Variants in LRP1B observed in about 807,000 individuals in gnomAD.
LRP1B encodes low-density lipoprotein receptor-related protein 1B.
Under a neutral mutation model 556.6 loss-of-function variants are expected in LRP1B, and 217 were observed. That is an observed-to-expected ratio of 0.39 (90% CI 0.35 to 0.44). LRP1B has a LOEUF of 0.44. Among genes scored for constraint, LRP1B ranks in the 20% least tolerant of loss-of-function variants. LRP1B has a pLI of 1.00. For missense variants in LRP1B, 5,053 were observed against 5,620.8 expected, an observed-to-expected ratio of 0.90 and a Z score of 3.23; for synonymous variants, 2,047 against 1,865.8, an observed-to-expected ratio of 1.10 and a Z score of -2.50.
intron 1 of LRP1B, among the ~76,000 whole-genome samples, chr2:142,080,805 A>T (rs1021379835): frequency 6.6e-6 from 1 of 152,126 alleles, no homozygotes; most frequent in East Asian, 1.9e-4. Context: ...TGGATACTAC[A>T]CTTACCACAG....
intron 2 of LRP1B, among the ~76,000 whole-genome samples, chr2:141,649,916 G>A (rs970695252): frequency 6.6e-6 from 1 of 152,296 alleles, no homozygotes; most frequent in Admixed American, 6.5e-5. Context: ...GCAGTGGCTA[G>A]TGCCTGTGAT....
intron 2 of LRP1B, among the ~76,000 whole-genome samples, chr2:141,730,162 A>G (rs979646817): frequency 2.0e-5 from 3 of 152,114 alleles, no homozygotes; most frequent in Non-Finnish European, 4.4e-5. Flanking sequence ...TCGTAGTAGA[A>G]GCTGAAGCCC....
intron 2 of LRP1B, among the ~76,000 whole-genome samples, chr2:141,551,479 G>A (rs1055612972): frequency 6.6e-6 from 1 of 151,996 alleles, no homozygotes; most frequent in Non-Finnish European, 1.5e-5. Flanking sequence ...TCAGTTAAAT[G>A]AATTTTTTTA....
intron 7 of LRP1B, among the ~76,000 whole-genome samples, chr2:141,150,765 G>A (rs763805187): frequency 1.3e-5 from 2 of 152,018 alleles, no homozygotes; most frequent in Non-Finnish European, 2.9e-5. Context: ...CTCAATTAGT[G>A]TTATCCTTTG....
chr2:140,718,858 T>A (rs949590442), intron 35 of LRP1B, among the ~76,000 whole-genome samples: 3 of 150,948 alleles, frequency 2.0e-5, no homozygotes, highest in Non-Finnish European at 2.9e-5. Flanking sequence ...TTCACATATT[T>A]TTTTTTCTTT....
chr2:140,716,591 T>C (rs1052156923), intron 36 of LRP1B, 91 bp downstream of exon 36: 2 of 1,290,664 alleles, frequency 1.5e-6, no homozygotes, highest in African/African-American at 1.5e-5. Context: ...ATAAAAGCAC[T>C]GTTATGAGTT....
intron 35 of LRP1B, among the ~76,000 whole-genome samples, chr2:140,758,291 A>G (rs554339637): frequency 3.5e-4 from 53 of 152,098 alleles, no homozygotes; most frequent in Non-Finnish European, 6.3e-4. Context: ...AATGTAAGTA[A>G]AAGAAACAAG....
At chr2:140,776,320 T>A (rs2104951480) in intron 32 of LRP1B, 82 bp from the exon 33 acceptor site, 1 of 861,608 alleles carries the variant, frequency 1.2e-6, no homozygotes, top group African/African-American at 1.8e-5. Flanking sequence ...ACTATAATAC[T>A]CTCTGATTTC....
intron 1 of LRP1B, among the ~76,000 whole-genome samples, chr2:142,045,110 G>A (rs530271745): frequency 4.1e-5 from 6 of 147,084 alleles, no homozygotes; most frequent in South Asian, 2.2e-4. Flanking sequence ...ATGCAAATAC[G>A]CATTTTCTAC....
At chr2:141,565,284 A>G (rs1686291216) in intron 2 of LRP1B, among the ~76,000 whole-genome samples, 1 of 152,112 alleles carries the variant, frequency 6.6e-6, no homozygotes, top group South Asian at 2.1e-4. Context: ...AGTGTGTTCC[A>G]CAGGGCTTAG....
chr2:142,112,021 G>A (rs1707005201), intron 1 of LRP1B, among the ~76,000 whole-genome samples: 1 of 152,038 alleles, frequency 6.6e-6, no homozygotes, highest in African/African-American at 2.4e-5. Context: ...GAGTATGGTA[G>A]CAAAGCAGAA....
At chr2:140,556,562 A>T (rs1680740753) in intron 43 of LRP1B, among the ~76,000 whole-genome samples, 2 of 152,034 alleles carry the variant, frequency 1.3e-5, no homozygotes, top group African/African-American at 4.8e-5. Context: ...ATGTCACTTA[A>T]AAGTTATATA....
intron 33 of LRP1B, among the ~76,000 whole-genome samples, chr2:140,772,513 T>A (rs1031957509): frequency 6.6e-6 from 1 of 152,052 alleles, no homozygotes; most frequent in African/African-American, 2.4e-5. Flanking sequence ...TTTCACCATG[T>A]TGGCCAGGCT....
In LRP1B at chr2:140,457,472, G is replaced by T; in HGVS notation, c.9805C>A (p.Gln3269Lys). 1 of 1,609,940 alleles carries T rather than the reference G, an allele frequency of 6.2e-7. No individual in the cohort carries two copies. ...TGGAAAGAATAATTACCATCAGGTTGTCTATAAGAATGATACACCTGGATA... is the reference window on the plus strand; with the variant it reads ...TGGAAAGAATAATTACCATCAGGTTTTCTATAAGAATGATACACCTGGATA... ...TDIQVYHSYRQPDVSKHLCMI... is the reference protein window; with the variant it reads ...TDIQVYHSYRKPDVSKHLCMI... Residue 3269 changes from glutamine to lysine, a missense_variant, in exon 61 of 91, where the codon CAA (glutamine) becomes AAA (lysine). Gln to Lys is a moderately conservative substitution (Grantham distance 53, BLOSUM62 1). Coordinates refer to ENST00000389484, the MANE Select transcript of LRP1B (RefSeq NM_018557.3).
chr2:141,937,138 C>T (rs919379148), intron 1 of LRP1B, among the ~76,000 whole-genome samples: 8 of 151,882 alleles, frequency 5.3e-5, no homozygotes, highest in African/African-American at 7.3e-5. Flanking sequence ...GCTTGTAATC[C>T]GAGCACTTTG....
At chr2:140,315,249 A>G (rs1222958521) in intron 82 of LRP1B, 150 bp from the exon 83 acceptor site, 1 of 525,290 alleles carries the variant, frequency 1.9e-6, no homozygotes, top group Non-Finnish European at 3.3e-6. Flanking sequence ...ATTAAATACT[A>G]TCTGAAAACA....
intron 3 of LRP1B, among the ~76,000 whole-genome samples, chr2:141,269,499 C>A (rs1005399888): frequency 3.9e-5 from 6 of 152,022 alleles, no homozygotes; most frequent in African/African-American, 1.4e-4. Context: ...AACAGATAGT[C>A]AAAGAGAATC....
chr2:141,416,829 C>T (rs1221642138), intron 3 of LRP1B, among the ~76,000 whole-genome samples: 1 of 152,174 alleles, frequency 6.6e-6, no homozygotes. Context: ...CTTCTGCATG[C>T]AGCCTTGACC....
chr2:141,599,541 G>A (rs1687655846), intron 2 of LRP1B, among the ~76,000 whole-genome samples: 1 of 152,042 alleles, frequency 6.6e-6, no homozygotes, highest in Non-Finnish European at 1.5e-5. Context: ...GCTGGAACTT[G>A]CAACTATTAC....
Sources: gnomAD v4.1 joint callset for allele counts (sites outside exome capture counted in the v4.1 genomes callset) on GRCh38, gnomAD v4.1.1 for gene constraint, MANE v1.5 for transcripts, NCBI Gene and HGNC (gene_info 2026-07-23, HGNC 2026-07-21) for gene names.